PDE10A: variants seen among roughly 807,000 people sequenced by gnomAD.
PDE10A encodes cAMP and cAMP-inhibited cGMP 3',5'-cyclic phosphodiesterase 10A.
In PDE10A, 39 loss-of-function variants were observed where a neutral mutation model predicts 97.7. That is an observed-to-expected ratio of 0.40 (90% CI 0.31 to 0.52). PDE10A has a LOEUF of 0.52. PDE10A is among the 20% of genes least tolerant of loss of function. PDE10A has a pLI of 0.56. For missense variants in PDE10A, 731 were observed against 1,047.8 expected (o/e 0.70, Z 4.17); for synonymous variants, 371 against 376.8 (o/e 0.98, Z 0.18).
At chr6:165,603,820 C>T (rs1269915714) in intron 1 of PDE10A, among the ~76,000 whole-genome samples, 8 of 152,204 alleles carry the variant, frequency 5.3e-5, no homozygotes. Flanking sequence ...TTGGCACTAA[C>T]TTAAATATTT....
chr6:165,372,205 A>G (rs1470415380), intron 18 of PDE10A, among the ~76,000 whole-genome samples: 1 of 147,826 alleles, frequency 6.8e-6, no homozygotes, highest in Non-Finnish European at 1.5e-5. Flanking sequence ...CCTATTCAAC[A>G]TAGTGTTGGA....
intron 10 of PDE10A, among the ~76,000 whole-genome samples, chr6:165,425,280 G>A (rs1371371531): frequency 3.9e-5 from 6 of 152,104 alleles, no homozygotes; most frequent in African/African-American, 1.4e-4. Context: ...GACGCCATAT[G>A]CTGAAGATAT....
At chr6:165,512,747 A>G (rs1475961750) in intron 2 of PDE10A, among the ~76,000 whole-genome samples, 1 of 152,040 alleles carries the variant, frequency 6.6e-6, no homozygotes, top group Admixed American at 6.6e-5. Flanking sequence ...TAACCTTTTA[A>G]GAAACTGACA....
At chr6:165,398,525 C>T (rs955600107) in intron 13 of PDE10A, among the ~76,000 whole-genome samples, 1 of 151,068 alleles carries the variant, frequency 6.6e-6, no homozygotes, top group Non-Finnish European at 1.5e-5. Context: ...GTTGTATTGG[C>T]TGTTCTTAAA....
At position 165,388,823 on chromosome 6, in the gene PDE10A, A is replaced by G. The variant is rs949872249; in HGVS notation, c.2455-370T>C. On this transcript the variant is annotated intron_variant, in intron 16 of 21. Transcript: ENST00000539869. This position sits in a 1 kb window ranked among gnomAD's most constrained non-coding sequence, Gnocchi z 4.0. ...GGAAAGAAAGGTCAGTTTCAGCAAA[A>G]TCTATTCAATGTTAAATTCTAACAA... 6.6e-6 allele frequency among the ~76,000 whole-genome samples: 1 copy of G among 152,248 alleles called. No individual in the cohort carries two copies. The highest frequency in any genetic ancestry group is 1.5e-5 in the Non-Finnish European group (1 of 68,050).
At chr6:165,576,328 A>G (rs1785302654) in intron 1 of PDE10A, 2 of 738,926 alleles carry the variant, frequency 2.7e-6, no homozygotes, top group Non-Finnish European at 5.0e-6. Context: ...AGATCAAAAC[A>G]GAGCTATAGA....
intron 13 of PDE10A, among the ~76,000 whole-genome samples, chr6:165,403,459 T>TGG (rs1343897819): frequency 2.0e-5 from 3 of 152,172 alleles, no homozygotes; most frequent in Non-Finnish European, 4.4e-5. Context: ...TTAGAGAGGT[T>TGG]GCTGTTAAAC....
chr6:165,393,344 T>C (rs114519014), intron 15 of PDE10A, among the ~76,000 whole-genome samples: 3,451 of 151,858 alleles, frequency 0.023, 155 homozygotes, highest in African/African-American at 0.079. Flanking sequence ...AATACTGACA[T>C]AGTATATAAA....
At chr6:165,340,731 A>C (rs978800138) in intron 19 of PDE10A, among the ~76,000 whole-genome samples, 1 of 152,218 alleles carries the variant, frequency 6.6e-6, no homozygotes, top group African/African-American at 2.4e-5. Flanking sequence ...AGAGGGCAGG[A>C]GCATGCTCCA....
At chr6:165,619,424 GTAGTATAGTGTAGTGTAGTATAGT>G (rs1787963093) in intron 1 of PDE10A, among the ~76,000 whole-genome samples, 1 of 113,220 alleles carries the variant, frequency 8.8e-6, no homozygotes, top group African/African-American at 3.5e-5. Flanking sequence ...GTAGTGTAGT[GTAGTATAGTGTAGTGTAGTATAGT>G]CTAGTGTAGT....
intron 2 of PDE10A, among the ~76,000 whole-genome samples, chr6:165,512,549 G>A (rs992843514): frequency 5.3e-5 from 8 of 151,916 alleles, no homozygotes; most frequent in Non-Finnish European, 8.8e-5. Context: ...GTTGCAAATA[G>A]TATTCCATTA....
intron 17 of PDE10A, among the ~76,000 whole-genome samples, chr6:165,381,788 CCTTTA>C (rs1483406842): frequency 6.6e-6 from 1 of 151,784 alleles, no homozygotes. Context: ...GCCACGTCTC[CCTTTA>C]CTTTAAGAGA....
chr6:165,936,049 T>G (rs1201857605), intron 1 of PDE10A, among the ~76,000 whole-genome samples: 2 of 152,204 alleles, frequency 1.3e-5, no homozygotes, highest in Non-Finnish European at 2.9e-5. Context: ...CCGGATGGAT[T>G]CCAGATTTTA....
chr6:165,533,419 G>T (rs1511750), intron 2 of PDE10A, among the ~76,000 whole-genome samples: 10,056 of 152,174 alleles, frequency 0.066, 349 homozygotes, highest in Middle Eastern at 0.11. Flanking sequence ...TGACTGTACT[G>T]AATACTGTAG....
intron 1 of PDE10A, among the ~76,000 whole-genome samples, chr6:165,965,095 T>C (rs918434776): frequency 6.6e-6 from 1 of 152,176 alleles, no homozygotes; most frequent in African/African-American, 2.4e-5. Context: ...TGTGATATAT[T>C]TTAGAAGAAG....
Position 165,332,591 on chromosome 6 carries a change from T to C in PDE10A, c.*434A>G, listed in dbSNP as rs143469201. 453 of 157,534 alleles carry C rather than the reference T, an allele frequency of 2.9e-3. 4 individuals carry two copies. The highest frequency in any genetic ancestry group is 0.01 in the African/African-American group (430 of 41,638). 9.8% of individuals were successfully genotyped at this position (157,534 alleles called of 1,614,324 possible). A position where few individuals can be genotyped will look rare whatever the true frequency, so the allele number is the denominator to read the frequency against. ...ATAGTAATGTGTAAAAATTCCTATT[T>C]ATATCCAACAACATCAAAGCAACAT... is the stretch of plus-strand genomic sequence containing the variant. On this transcript the variant is annotated 3_prime_UTR_variant, in exon 22 of 22. Transcript: ENST00000539869.
chr6:165,367,849 C>T (rs937953647), intron 18 of PDE10A, among the ~76,000 whole-genome samples: 8 of 151,748 alleles, frequency 5.3e-5, no homozygotes, highest in African/African-American at 1.9e-4. Flanking sequence ...CTCAAAGGAT[C>T]TGCTGTCAAC....
intron 2 of PDE10A, among the ~76,000 whole-genome samples, chr6:165,530,806 T>C (rs77153197): frequency 0.016 from 2,442 of 152,308 alleles, 62 homozygotes; most frequent in South Asian, 0.098. Flanking sequence ...AGTGTGCTGA[T>C]GTTTTGGAGA....
intron 1 of PDE10A, among the ~76,000 whole-genome samples, chr6:165,933,071 T>G (rs1241516027): frequency 6.6e-6 from 1 of 152,168 alleles, no homozygotes; most frequent in East Asian, 1.9e-4. Context: ...TTTGTGGATA[T>G]GAAGACATTA....
Sources: allele counts gnomAD v4.1 joint callset (sites outside exome capture counted in the v4.1 genomes callset), GRCh38; gene constraint gnomAD v4.1.1; non-coding constraint Gnocchi (gnomAD v3.1); transcripts MANE v1.5; gene names NCBI Gene and HGNC (gene_info 2026-07-23, HGNC 2026-07-21).